The following VWA2 variants were observed in gnomAD, a reference collection of about 807,000 sequenced individuals.
VWA2 encodes the protein von Willebrand factor A domain-containing protein 2.
In VWA2, 73 loss-of-function variants were observed where a neutral mutation model predicts 70.4. That is an observed-to-expected ratio of 1.04 (90% CI 0.86 to 1.26). VWA2 has a LOEUF of 1.26. VWA2 is among the 50% of genes most tolerant of loss of function. The pLI is 0.00. For synonymous variants in VWA2, 407 were observed against 423.3 expected (o/e 0.96, Z 0.47); for missense variants, 1,011 against 998.5 (o/e 1.01, Z -0.17).
intron 2 of VWA2, among the ~76,000 whole-genome samples, chr10:114,248,976 C>T (rs894986315): frequency 6.6e-6 from 1 of 152,064 alleles, no homozygotes; most frequent in Non-Finnish European, 1.5e-5. Flanking sequence ...CCCGGTCCTC[C>T]TCCAACCCAT....
At chr10:114,247,190 A>G (rs920280899) in intron 1 of VWA2, among the ~76,000 whole-genome samples, 8 of 103,642 alleles carry the variant, frequency 7.7e-5, no homozygotes, top group African/African-American at 2.8e-4. Flanking sequence ...TTTAAGTGTG[A>G]AAAAAAAAAA....
intron 12 of VWA2, 144 bp downstream of exon 12, chr10:114,289,633 A>T: frequency 1.1e-6 from 1 of 873,148 alleles, no homozygotes; most frequent in East Asian, 2.5e-5. Flanking sequence ...GCTAAACCCC[A>T]TGCTCACATA....
intron 8 of VWA2, among the ~76,000 whole-genome samples, chr10:114,279,851 TG>T (rs2037979796): frequency 6.6e-6 from 1 of 152,146 alleles, no homozygotes; most frequent in Non-Finnish European, 1.5e-5. Context: ...TCCTAGGTGT[TG>T]GGATGGAGTC....
At chr10:114,264,390 T>A (rs962553137) in intron 5 of VWA2, among the ~76,000 whole-genome samples, 6 of 128,176 alleles carry the variant, frequency 4.7e-5, no homozygotes, top group Non-Finnish European at 1.1e-4. Context: ...AAGCCAGGCA[T>A]AGCAGGTCAT....
chr10:114,262,280 TAC>T (rs2037460533), intron 5 of VWA2, among the ~76,000 whole-genome samples: 1 of 150,610 alleles, frequency 6.6e-6, no homozygotes, highest in African/African-American at 2.4e-5. Context: ...TATGTTTTTA[TAC>T]ACTTATATTT....
chr10:114,240,970 A>T (rs1025769935), intron 1 of VWA2, among the ~76,000 whole-genome samples: 2 of 152,340 alleles, frequency 1.3e-5, no homozygotes, highest in East Asian at 3.9e-4. Context: ...TACAGAGATT[A>T]CAGCCAGTAT....
At chr10:114,268,296 G>C (rs2037618826) in intron 5 of VWA2, among the ~76,000 whole-genome samples, 1 of 132,650 alleles carries the variant, frequency 7.5e-6, no homozygotes, top group African/African-American at 2.9e-5. Context: ...GACAGTAGCT[G>C]ATCTGTGAAC....
chr10:114,269,348 G>C (rs1316909400), intron 5 of VWA2, among the ~76,000 whole-genome samples: 1 of 152,104 alleles, frequency 6.6e-6, no homozygotes, highest in Non-Finnish European at 1.5e-5. Context: ...TGGGAGGCCA[G>C]GGCGGGCAGA....
At chr10:114,280,467 G>C (rs2038022273) in intron 8 of VWA2, among the ~76,000 whole-genome samples, 1 of 152,192 alleles carries the variant, frequency 6.6e-6, no homozygotes, top group Non-Finnish European at 1.5e-5. Flanking sequence ...GTCACAGTTT[G>C]AAATGGAGTG....
At chr10:114,274,125 C>T (rs1319347470) in intron 6 of VWA2, among the ~76,000 whole-genome samples, 1 of 152,180 alleles carries the variant, frequency 6.6e-6, no homozygotes, top group Non-Finnish European at 1.5e-5. Context: ...TAGGAAGGAA[C>T]AGCCAGACGG....
chr10:114,264,014 T>C (rs538664216), intron 5 of VWA2, among the ~76,000 whole-genome samples: 48 of 152,366 alleles, frequency 3.2e-4, no homozygotes, highest in South Asian at 2.5e-3. Flanking sequence ...CAAGTGTTGG[T>C]AAAGCTGTGG....
At chr10:114,278,577 G>A in intron 7 of VWA2, 142 bp from the exon 8 acceptor site, 1 of 1,222,304 alleles carries the variant, frequency 8.2e-7, no homozygotes, top group Non-Finnish European at 1.1e-6. Context: ...GATATGCCCT[G>A]ACCTGAGAGA....
chr10:114,282,438 T>C, intron 8 of VWA2, 78 bp from the exon 9 acceptor site: 1 of 1,127,232 alleles, frequency 8.9e-7, no homozygotes, highest in Admixed American at 1.7e-5. Flanking sequence ...CAGCTTTTGG[T>C]GTTGTAAATC....
rs370595351 is a variant in VWA2 at position 114,278,798 on chromosome 10, G to C, written c.780G>C (p.Trp260Cys). The C allele has an allele frequency of 6.2e-7, 1 of 1,613,758 alleles. No individual in the cohort carries two copies. The highest frequency in any genetic ancestry group is 1.1e-5 in the South Asian group (1 of 91,062). Reference sequence around the variant, plus strand: ...AGTTCGCTGGCAATGCCCCATGCTGGAGAGGATCGCGGCGGACCCTTGCGG... The same window carrying C: ...AGTTCGCTGGCAATGCCCCATGCTGCAGAGGATCGCGGCGGACCCTTGCGG... ...VREFAGNAPCWRGSRRTLAVL... is the reference protein window; with the variant it reads ...VREFAGNAPCCRGSRRTLAVL... The change falls in exon 8 of 14, where the codon TGG becomes TGC. Residue 260 changes from tryptophan to cysteine, a missense_variant. Transcript: ENST00000392982.
intron 5 of VWA2, among the ~76,000 whole-genome samples, chr10:114,271,608 A>ACACACACACACACACACAC (rs2037711035): frequency 1.4e-5 from 2 of 144,700 alleles, no homozygotes; most frequent in African/African-American, 5.1e-5. Context: ...GAGAAGTAAA[A>ACACACACACACACACACAC]ACACACACAC....
chr10:114,278,770 G>A lies in VWA2; in HGVS notation c.752G>A (p.Arg251Gln), dbSNP rs754852186. 38 of 1,613,776 alleles carry A rather than the reference G, an allele frequency of 2.4e-5. No individual in the cohort carries two copies. Among genetic ancestry groups the A allele is most frequent in the East Asian group, 4.5e-5 (2 of 44,888 alleles). ...PCEHRTLEMVREFAGNAPCWR... is the reference protein window; with the variant it reads ...PCEHRTLEMVQEFAGNAPCWR... ...GAGCACAGGACGCTGGAGATGGTCCGGGAGTTCGCTGGCAATGCCCCATGC... is the reference window on the plus strand; with the variant it reads ...GAGCACAGGACGCTGGAGATGGTCCAGGAGTTCGCTGGCAATGCCCCATGC... Residue 251 changes from arginine to glutamine, a missense_variant, in exon 8 of 14, where the codon CGG becomes CAG. Transcript: ENST00000392982.
chr10:114,249,822 C>A (rs986066419), intron 2 of VWA2, among the ~76,000 whole-genome samples: 1 of 152,084 alleles, frequency 6.6e-6, no homozygotes, highest in Non-Finnish European at 1.5e-5. Flanking sequence ...CCCTCTTCAC[C>A]CCCAGCTAAA....
rs765092046 is a variant in VWA2 at position 114,286,278 on chromosome 10, G to A, written c.1337G>A (p.Arg446His). 8.7e-6 allele frequency: 14 copies of A among 1,610,430 alleles called. No individual in the cohort carries two copies. The South Asian group carries it at 8.8e-5, about 10-fold the overall frequency. Reference sequence around the variant, plus strand: ...ACCAGGACAGGCCAGGACCGGCCACGTAGAGTGGTGGTTTTGCTCACTGAG... The same window carrying A: ...ACCAGGACAGGCCAGGACCGGCCACATAGAGTGGTGGTTTTGCTCACTGAG... ...SATRTGQDRPRRVVVLLTESH... is the reference protein window; with the variant it reads ...SATRTGQDRPHRVVVLLTESH... The change falls in exon 11 of 14, where the codon CGT becomes CAT. Residue 446 changes from arginine (R) to histidine (H), a missense_variant. Coordinates refer to ENST00000392982, the MANE Select transcript of VWA2 (RefSeq NM_001272046.2).
At chr10:114,279,777 C>T (rs189513710) in intron 8 of VWA2, among the ~76,000 whole-genome samples, 8 of 152,286 alleles carry the variant, frequency 5.3e-5, no homozygotes, top group Admixed American at 1.3e-4. Flanking sequence ...ACAGTTGCTG[C>T]CCCCAAGGAA....
Sources: gnomAD v4.1 joint callset for allele counts (sites outside exome capture counted in the v4.1 genomes callset) on GRCh38, gnomAD v4.1.1 for gene constraint, MANE v1.5 for transcripts, NCBI Gene and HGNC (gene_info 2026-07-23, HGNC 2026-07-21) for gene names.